PDK4: variants seen among roughly 807,000 people sequenced by gnomAD.
PDK4 encodes the protein pyruvate dehydrogenase kinase 4, also known as pyruvate dehydrogenase kinase, isozyme 4.
PDK4 carries 43 observed loss-of-function variants against 51.7 expected under a neutral mutation model. That is an observed-to-expected ratio of 0.83 (90% confidence interval 0.65 to 1.07). The LOEUF (loss-of-function observed/expected upper bound fraction) is 1.07. PDK4 is among the 50% of genes least tolerant of loss of function. The pLI, the probability that PDK4 is intolerant of heterozygous loss-of-function variation, is 0.00. For missense variants in PDK4, 498 were observed against 503.5 expected (o/e 0.99, Z 0.10); for synonymous variants, 170 against 176.6 (o/e 0.96, Z 0.30).
At position 95,587,736 on chromosome 7, in the gene PDK4, A is replaced by G; in HGVS notation, c.861T>C (p.Leu287=). Residue 287 remains leucine, a synonymous_variant, in exon 8 of 11, where the codon CTT becomes CTC. Transcript: ENST00000005178. The stretch of plus-strand genomic sequence containing the variant: ...AACAGAGAATGGTTACCTTAATGGT[A>G]AGGTCTTCTTTTCCCAAGACAACAA... ...EVIVVLGKED[L]TIKISDRGGG... 4 of 1,601,960 alleles carry G rather than the reference A, an allele frequency of 2.5e-6. No individual in the cohort carries two copies. The highest frequency in any genetic ancestry group is 3.4e-6 in the Non-Finnish European group (4 of 1,169,014).
Position 95,596,168 on chromosome 7 carries a change from G to A in PDK4, c.126C>T (p.Asp42=), listed in dbSNP as rs1406797408. ...GGGCCCTGTGTCCCCTCTCACCAAA[G>A]TCCAGTAGCTGCTTCATGGACAGCG... ...PSPLSMKQLL[D]FGSENACERT... The change falls in exon 1 of 11, where the codon GAC becomes GAT. Residue 42 remains aspartate (D), a synonymous_variant. Coordinates refer to ENST00000005178, the MANE Select transcript of PDK4 (RefSeq NM_002612.4). 1.2e-6 allele frequency: 2 copies of A among 1,602,300 alleles called. No homozygotes were observed. The highest frequency in any genetic ancestry group is 1.7e-6 in the Non-Finnish European group (2 of 1,174,886).
Position 95,587,765 on chromosome 7 carries a change from C to A in PDK4, c.832G>T (p.Val278Phe), listed in dbSNP as rs372238246. The A allele has an allele frequency of 2.5e-6, 4 of 1,612,716 alleles. No homozygotes were observed. The highest frequency in any genetic ancestry group is 2.7e-5 in the African/African-American group (2 of 74,878). ...TCTTCTTTTCCCAAGACAACAATAA[C>A]CTCTATTGGTGTAAGGGAAGGCTGA... Reference protein sequence around the residue: ...ENQPSLTPIEVIVVLGKEDLT... With the variant: ...ENQPSLTPIEFIVVLGKEDLT... The change falls in exon 8 of 11, where the codon GTT becomes TTT. Residue 278 changes from valine to phenylalanine, a missense_variant. Coordinates refer to ENST00000005178, the MANE Select transcript of PDK4 (RefSeq NM_002612.4).
Position 95,596,440 on chromosome 7 carries a change from G to C in PDK4, c.-147C>G. 1 of 803,448 alleles carries C rather than the reference G, an allele frequency of 1.2e-6. No individual in the cohort carries two copies. Among genetic ancestry groups the C allele is most frequent in the Non-Finnish European group, 1.8e-6 (1 of 553,130 alleles). 49.8% of individuals were successfully genotyped at this position (803,448 alleles called of 1,614,324 possible). On this transcript the variant is annotated 5_prime_UTR_variant, in exon 1 of 11. Transcript: ENST00000005178. ...GGCTTGTGCGCCCCGGCCTGGGCTG[G>C]GGTTTGAGGGTGCCGCGGAGTGAAG... is the stretch of plus-strand genomic sequence containing the variant.
chr7:95,592,416 A>C, intron 5 of PDK4, 95 bp downstream of exon 5: 1 of 775,782 alleles, frequency 1.3e-6, no homozygotes. Flanking sequence ...ACACTCTGTG[A>C]ATATAAATTC....
At position 95,596,417 on chromosome 7, in the gene PDK4, C is replaced by A; in HGVS notation, c.-124G>T. On this transcript the variant is annotated 5_prime_UTR_variant, in exon 1 of 11. Coordinates refer to ENST00000005178, the MANE Select transcript of PDK4 (RefSeq NM_002612.4). ...CGAGGACTGCAGGTGCGCTGGCTGG[C>A]TTGTGCGCCCCGGCCTGGGCTGGGG... 8.9e-7 allele frequency: 1 copy of A among 1,127,444 alleles called. No homozygotes were observed. Among genetic ancestry groups the A allele is most frequent in the Non-Finnish European group, 1.2e-6 (1 of 840,148 alleles). The allele number at this position is 1,127,444 out of a possible 1,614,324, so 69.8% of individuals were successfully genotyped here.
intron 10 of PDK4, 103 bp downstream of exon 10, chr7:95,586,907 C>T (rs186794971): frequency 8.6e-5 from 56 of 649,928 alleles, no homozygotes; most frequent in Non-Finnish European, 1.4e-4. Flanking sequence ...TCATTATTTG[C>T]ATTAACTCAG....
chr7:95,592,577 G>GT lies in PDK4; in HGVS notation c.549dup (p.Gln184ThrfsTer12). On this transcript the variant is annotated frameshift_variant, in exon 5 of 11. Coordinates refer to ENST00000005178, the MANE Select transcript of PDK4 (RefSeq NM_002612.4). LOFTEE classifies it high-confidence loss of function. ...CCAATGTGGCTTGGGTTTCCTGTCTGTGAGTCACTAAATATAAGAACTGTT... is the reference window on the plus strand; with the variant it reads ...CCAATGTGGCTTGGGTTTCCTGTCTGTTGAGTCACTAAATATAAGAACTGTT... 6.2e-7 allele frequency: 1 copy of GT among 1,606,766 alleles called. No individual in the cohort carries two copies. Among genetic ancestry groups the GT allele is most frequent in the Non-Finnish European group, 8.5e-7 (1 of 1,173,480 alleles).
At position 95,595,142 on chromosome 7, in the gene PDK4, T is replaced by C. The variant is rs1562839559; in HGVS notation, c.153A>G (p.Arg51=). 1 of 1,612,858 alleles carries C rather than the reference T, an allele frequency of 6.2e-7. No homozygotes were observed. Among genetic ancestry groups the C allele is most frequent in the Non-Finnish European group, 8.5e-7 (1 of 1,179,056 alleles). The stretch of plus-strand genomic sequence containing the variant: ...CTTGTCGCAAAAATGCAAAAGAAGT[T>C]CTTTCACATGCATTTTCTGAACCTA... The part of the protein sequence containing the change: ...LDFGSENACE[R]TSFAFLRQEL... Residue 51 remains arginine, a synonymous_variant, in exon 2 of 11, where the codon AGA becomes AGG. Coordinates refer to ENST00000005178, the MANE Select transcript of PDK4 (RefSeq NM_002612.4).
In PDK4 at chr7:95,592,745, G is replaced by T; in HGVS notation, c.529+15C>A. 6.3e-7 allele frequency: 1 copy of T among 1,597,864 alleles called. No individual in the cohort carries two copies. The highest frequency in any genetic ancestry group is 8.6e-7 in the Non-Finnish European group (1 of 1,167,744). On this transcript the variant is annotated intron_variant, in intron 4 of 10. Transcript: ENST00000005178. ...ACCCATGTCTATATACCATGATCAT[G>T]ATGAGCTAACTTACTGTGCTGGTTC...
In PDK4 at chr7:95,596,322, T is replaced by A. The variant is rs1380097181; in HGVS notation, c.-29A>T. 6 of 1,551,358 alleles carry A rather than the reference T, an allele frequency of 3.9e-6. No homozygotes were observed. The highest frequency in any genetic ancestry group is 5.2e-6 in the Non-Finnish European group (6 of 1,150,244). On this transcript the variant is annotated 5_prime_UTR_variant, in exon 1 of 11. Transcript: ENST00000005178. ...GACGCCCACCCGGCCTGGCGGGGAC[T>A]GTGGCTGGCTTGAGGGGCGAAGGCT...
rs1427980607 is a variant in PDK4 at position 95,585,364 on chromosome 7, A to G, written c.*277T>C. Reference sequence around the variant, plus strand: ...CTTATTCTTATCAAAAACAGATGGAAAACTGAGGCTTATTTCTTCAGGATT... The same window carrying G: ...CTTATTCTTATCAAAAACAGATGGAGAACTGAGGCTTATTTCTTCAGGATT... On this transcript the variant is annotated 3_prime_UTR_variant, in exon 11 of 11. Transcript: ENST00000005178. 3.7e-6 allele frequency: 1 copy of G among 266,884 alleles called. No individual in the cohort carries two copies. Among genetic ancestry groups the G allele is most frequent in the African/African-American group, 2.2e-5 (1 of 45,778 alleles). 16.5% of individuals were successfully genotyped at this position (266,884 alleles called of 1,614,324 possible). A position where few individuals can be genotyped will look rare whatever the true frequency, so the allele number is the denominator to read the frequency against.
rs1791463823 is a variant in PDK4 at position 95,585,046 on chromosome 7, T to G, written c.*595A>C. 1 of 152,298 alleles carries G rather than the reference T, an allele frequency of 6.6e-6. No individual in the cohort carries two copies. Among genetic ancestry groups the G allele is most frequent in the South Asian group, 2.1e-4 (1 of 4,828 alleles). 9.4% of individuals were successfully genotyped at this position (152,298 alleles called of 1,614,324 possible). A position where few individuals can be genotyped will look rare whatever the true frequency, so the allele number is the denominator to read the frequency against. On this transcript the variant is annotated 3_prime_UTR_variant, in exon 11 of 11. Coordinates refer to ENST00000005178, the MANE Select transcript of PDK4 (RefSeq NM_002612.4). The stretch of plus-strand genomic sequence containing the variant: ...GCCTTCACTGCAACTTTGAATACAA[T>G]GCTTTGAATTTTGAAACACTTGAAT...
chr7:95,588,422 T>C lies in PDK4; in HGVS notation c.772-597A>G, dbSNP rs949046021. Among the ~76,000 whole-genome samples the C allele has an allele frequency of 2.6e-5, 4 of 152,246 alleles. No homozygotes were observed. The East Asian group carries it at 5.8e-4, about 22-fold the overall frequency. On this transcript the variant is annotated intron_variant, in intron 7 of 10. Transcript: ENST00000005178. ...CAATGAAAAAGTATCCTTTGTCCTT[T>C]AACACAGAACAAACTAAAAGATGTT...
At position 95,589,702 on chromosome 7, in the gene PDK4, G is replaced by C. The variant is rs1791528583; in HGVS notation, c.709C>G (p.Gln237Glu). The change falls in exon 7 of 11, where the codon CAA (glutamine) becomes GAA (glutamate). Residue 237 changes from glutamine to glutamate, a missense_variant. Gln to Glu is a conservative substitution (Grantham distance 29). Coordinates refer to ENST00000005178, the MANE Select transcript of PDK4 (RefSeq NM_002612.4). Reference protein sequence around the residue: ...LTQVNGKFPDQPIHIVYVPSH... With the variant: ...LTQVNGKFPDEPIHIVYVPSH... ...GGAACATACACGATGTGAATTGGTT[G>C]GTCTGGAAATTTTCCTAGAAAAATA... 6.3e-7 allele frequency: 1 copy of C among 1,577,214 alleles called. No individual in the cohort carries two copies. The highest frequency in any genetic ancestry group is 1.7e-5 in the Admixed American group (1 of 59,648).
chr7:95,588,361 A>G (rs1272054259), intron 7 of PDK4, among the ~76,000 whole-genome samples: 1 of 152,236 alleles, frequency 6.6e-6, no homozygotes, highest in Non-Finnish European at 1.5e-5. Context: ...GAATAACTCT[A>G]TGAGTTGTAT....
intron 9 of PDK4, 31 bp downstream of exon 9, chr7:95,587,387 G>T: frequency 7.9e-7 from 1 of 1,265,128 alleles, no homozygotes; most frequent in Non-Finnish European, 1.2e-6. Context: ...CTAGGTGGCT[G>T]AGATTAATTT....
At position 95,585,659 on chromosome 7, in the gene PDK4, T is replaced by A. The variant is rs752719218; in HGVS notation, c.1218A>T (p.Ala406=). The A allele has an allele frequency of 6.2e-6, 10 of 1,609,836 alleles. No homozygotes were observed. In the South Asian group the frequency reaches 1.1e-4, roughly 18 times the overall value. Residue 406 remains alanine, a synonymous_variant, in exon 11 of 11, where the codon GCA becomes GCT. Transcript: ENST00000005178. ...CIPSREPKNL[A]KEVAM is the part of the protein sequence containing the mutation. ...TCCCTCTTCACATGGCCACTTCTTT[T>A]GCCAGGTTCTTTGGTTCCCTGCTTG...
intron 7 of PDK4, among the ~76,000 whole-genome samples, chr7:95,588,330 T>C (rs1446239363): frequency 6.6e-6 from 1 of 152,262 alleles, no homozygotes; most frequent in Non-Finnish European, 1.5e-5. Flanking sequence ...GATTATCATC[T>C]AACTTTTACC....
intron 8 of PDK4, 97 bp downstream of exon 8, chr7:95,587,630 T>G (rs532882406): frequency 8.8e-7 from 1 of 1,138,632 alleles, no homozygotes; most frequent in East Asian, 2.4e-5. Context: ...CTGGCATATA[T>G]GACTGTTATC....
Sources: gnomAD v4.1 joint callset for allele counts (sites outside exome capture counted in the v4.1 genomes callset) on GRCh38, gnomAD v4.1.1 for gene constraint, MANE v1.5 for transcripts, NCBI Gene and HGNC (gene_info 2026-07-23, HGNC 2026-07-21) for gene names.